TEAD1: variants seen among roughly 807,000 people sequenced by gnomAD.
TEAD1 encodes the protein TEA domain transcription factor 1.
In TEAD1, 9 loss-of-function variants were observed where a neutral mutation model predicts 54.9. The ratio of observed to expected loss-of-function variants is 0.16; its 90% CI spans 0.10 to 0.29. TEAD1 has a LOEUF of 0.29. Ranked by LOEUF, TEAD1 falls within the 10% of genes least tolerant of loss-of-function variation. The pLI, the probability that TEAD1 is intolerant of heterozygous loss-of-function variation, is 1.00. For synonymous variants in TEAD1, 200 were observed against 187.8 expected, an observed-to-expected ratio of 1.07 and a Z score of -0.53; for missense variants, 387 against 535.9, an observed-to-expected ratio of 0.72 and a Z score of 2.74.
intron 3 of TEAD1, among the ~76,000 whole-genome samples, chr11:12,802,895 T>C (rs1420571699): frequency 2.0e-5 from 3 of 152,168 alleles, no homozygotes; most frequent in Non-Finnish European, 4.4e-5. Flanking sequence ...TTTTTCAGTT[T>C]AGCTTATCAC....
chr11:12,743,998 C>T (rs937392512), intron 2 of TEAD1, among the ~76,000 whole-genome samples: 1 of 152,166 alleles, frequency 6.6e-6, no homozygotes, highest in African/African-American at 2.4e-5. Flanking sequence ...CAGTCGGGTA[C>T]TGGAGGTGGT....
intron 5 of TEAD1, among the ~76,000 whole-genome samples, chr11:12,876,212 C>T (rs1947851199): frequency 1.3e-5 from 2 of 152,170 alleles, no homozygotes; most frequent in African/African-American, 2.4e-5. Context: ...AGCTGTGTGA[C>T]ATAAACAGCA....
intron 3 of TEAD1, among the ~76,000 whole-genome samples, chr11:12,781,970 AAG>A (rs1945558976): frequency 3.7e-5 from 5 of 134,390 alleles, no homozygotes; most frequent in African/African-American, 1.9e-4. Context: ...AAAAAAAAAA[AAG>A]AAAGAAAAAA....
chr11:12,851,756 T>A (rs1238880076), intron 3 of TEAD1, among the ~76,000 whole-genome samples: 1 of 151,326 alleles, frequency 6.6e-6, no homozygotes, highest in Non-Finnish European at 1.5e-5. Flanking sequence ...ATCATTCCAC[T>A]GCACTCCAGA....
chr11:12,802,437 A>C (rs571821137), intron 3 of TEAD1, among the ~76,000 whole-genome samples: 2 of 152,244 alleles, frequency 1.3e-5, no homozygotes, highest in East Asian at 3.9e-4. Flanking sequence ...TGCCCTTTGA[A>C]CTTAAAGCCC....
chr11:12,720,689 G>A (rs973805601), intron 2 of TEAD1, among the ~76,000 whole-genome samples: 1 of 152,142 alleles, frequency 6.6e-6, no homozygotes, highest in Non-Finnish European at 1.5e-5. Context: ...CCCAATAATT[G>A]TAACCAGCAG....
intron 12 of TEAD1, among the ~76,000 whole-genome samples, chr11:12,931,184 G>A (rs1949005587): frequency 6.6e-6 from 1 of 152,218 alleles, no homozygotes; most frequent in Non-Finnish European, 1.5e-5. Context: ...AAACTCACCA[G>A]TGCCCCTGGA....
intron 3 of TEAD1, among the ~76,000 whole-genome samples, chr11:12,819,472 T>C (rs568862226): frequency 3.0e-4 from 45 of 152,228 alleles, no homozygotes; most frequent in African/African-American, 1.0e-3. Flanking sequence ...TGTTTTGAGA[T>C]GGAGTCTCGC....
chr11:12,830,728 A>G (rs73425644), intron 3 of TEAD1, among the ~76,000 whole-genome samples: 6,924 of 152,240 alleles, frequency 0.045, 572 homozygotes, highest in African/African-American at 0.16. Context: ...ATTTTGTGTC[A>G]GTTATATTTG....
rs1444281183 is a variant in TEAD1 at position 12,942,998 on chromosome 11, A to G, written c.*5776A>G. On this transcript the variant is annotated 3_prime_UTR_variant, in exon 13 of 13. Transcript: ENST00000527636. ...ACACCAGCCAAAAAGAAACTAGGAA[A>G]AAAAGATTTTCTTTGCTAATATAGA... The G allele has an allele frequency of 6.6e-6, 1 of 152,236 alleles. No homozygotes were observed. The highest frequency in any genetic ancestry group is 1.5e-5 in the Non-Finnish European group (1 of 68,052). 9.4% of individuals were successfully genotyped at this position (152,236 alleles called of 1,614,324 possible). A position where few individuals can be genotyped will look rare whatever the true frequency, so the allele number is the denominator to read the frequency against.
At chr11:12,907,945 A>T (rs897925986) in intron 10 of TEAD1, among the ~76,000 whole-genome samples, 6 of 152,224 alleles carry the variant, frequency 3.9e-5, no homozygotes, top group African/African-American at 1.4e-4. Context: ...TTGCTGAAGG[A>T]TAGCAGCCTT....
At chr11:12,917,902 C>T (rs749080769) in intron 10 of TEAD1, among the ~76,000 whole-genome samples, 1 of 152,160 alleles carries the variant, frequency 6.6e-6, no homozygotes, top group Non-Finnish European at 1.5e-5. Flanking sequence ...AGCTTGTGCC[C>T]AGAAGATGGG....
intron 5 of TEAD1, among the ~76,000 whole-genome samples, chr11:12,872,932 G>A (rs1272391649): frequency 1.3e-5 from 2 of 152,138 alleles, no homozygotes; most frequent in Non-Finnish European, 2.9e-5. Flanking sequence ...GAACAAAAGT[G>A]TTTTTATCTT....
chr11:12,799,690 T>C (rs1946009025), intron 3 of TEAD1, among the ~76,000 whole-genome samples: 1 of 152,270 alleles, frequency 6.6e-6, no homozygotes, highest in Admixed American at 6.5e-5. Flanking sequence ...ATATCCTTAA[T>C]GTGATTAGTA....
intron 3 of TEAD1, among the ~76,000 whole-genome samples, chr11:12,816,514 G>A (rs1946419570): frequency 6.6e-6 from 1 of 152,176 alleles, no homozygotes; most frequent in African/African-American, 2.4e-5. Flanking sequence ...CCAGGTAACT[G>A]AAAACTTTTG....
rs1416285583 is a variant in TEAD1 at position 12,800,622 on chromosome 11, C to T, written c.202+36188C>T. Among the ~76,000 whole-genome samples, 3 of 152,126 alleles carry T rather than the reference C, an allele frequency of 2.0e-5. No individual in the cohort carries two copies. The East Asian group carries it at 5.8e-4, about 29-fold the overall frequency. ...CTCCTCCTGACCGCTGTACTTAGCA[C>T]AGCACGTAGAGGGGACTGTAGGGAA... is the stretch of plus-strand genomic sequence containing the variant. On this transcript the variant is annotated intron_variant, in intron 3 of 12. Transcript: ENST00000527636.
chr11:12,680,259 A>G (rs774399241), intron 2 of TEAD1, among the ~76,000 whole-genome samples: 2 of 152,332 alleles, frequency 1.3e-5, no homozygotes, highest in South Asian at 2.1e-4. Flanking sequence ...AAAGAAAAAA[A>G]CTAAATGAAG....
intron 9 of TEAD1, among the ~76,000 whole-genome samples, chr11:12,900,274 T>G (rs1948403529): frequency 6.6e-6 from 1 of 151,962 alleles, no homozygotes. Context: ...TTGTCCAGGC[T>G]GGTCTCAAAC....
At chr11:12,784,275 G>A (rs1945628616) in intron 3 of TEAD1, among the ~76,000 whole-genome samples, 1 of 152,156 alleles carries the variant, frequency 6.6e-6, no homozygotes, top group African/African-American at 2.4e-5. Context: ...GAGACAAGTT[G>A]TAAGGGCCAG....
Sources: allele counts gnomAD v4.1 joint callset (sites outside exome capture counted in the v4.1 genomes callset), GRCh38; gene constraint gnomAD v4.1.1; transcripts MANE v1.5; gene names NCBI Gene and HGNC (gene_info 2026-07-23, HGNC 2026-07-21).